The following CCDC3 variants were observed in gnomAD, a reference collection of about 807,000 sequenced individuals.
CCDC3 encodes coiled-coil domain-containing protein 3.
Under a neutral mutation model 21.4 loss-of-function variants are expected in CCDC3, and 24 were observed. The observed-to-expected ratio is 1.12, with a 90% CI of 0.81 to 1.58. The LOEUF is 1.58. Among genes scored for constraint, CCDC3 ranks in the 40% most tolerant of loss-of-function variants. The pLI is 0.00. For missense variants in CCDC3, 425 were observed against 360.9 expected (o/e 1.18, Z -1.44); for synonymous variants, 186 against 166.0 (o/e 1.12, Z -0.93).
chr10:13,006,038 C>T (rs1835919856), upstream of CCDC3, among the ~76,000 whole-genome samples: 1 of 152,090 alleles, frequency 6.6e-6, no homozygotes, highest in Admixed American at 6.5e-5. Context: ...TATCTCCCAC[C>T]TTATATCTTA....
intron 5 of CCDC3, among the ~76,000 whole-genome samples, chr10:13,008,234 C>G (rs2131292331): frequency 6.6e-6 from 1 of 152,292 alleles, no homozygotes; most frequent in Non-Finnish European, 1.5e-5. Flanking sequence ...GTAACATCCA[C>G]AAGGATGTCA....
chr10:13,021,037 G>T (rs1836138935), intron 5 of CCDC3, among the ~76,000 whole-genome samples: 2 of 152,106 alleles, frequency 1.3e-5, no homozygotes, highest in African/African-American at 4.8e-5. Context: ...CTTTTTGGAG[G>T]TTTATTTAGC....
chr10:12,922,671 C>CCCGCG (rs1244591130), intron 2 of CCDC3, among the ~76,000 whole-genome samples: 36 of 152,270 alleles, frequency 2.4e-4, no homozygotes, highest in African/African-American at 8.4e-4. Context: ...CGGACCCCTT[C>CCCGCG]CCGCGCCGCA....
At chr10:12,914,185 A>T (rs536365777) in intron 2 of CCDC3, among the ~76,000 whole-genome samples, 5 of 152,228 alleles carry the variant, frequency 3.3e-5, no homozygotes, top group Non-Finnish European at 5.9e-5. Context: ...GGTAGAATTT[A>T]GTAGCAAAGC....
intron 3 of CCDC3, among the ~76,000 whole-genome samples, chr10:13,093,524 T>G (rs1455869240): frequency 2.0e-5 from 3 of 152,168 alleles, no homozygotes; most frequent in Non-Finnish European, 4.4e-5. Context: ...AAATTCAAAT[T>G]AATTTGGCAT....
intron 3 of CCDC3, among the ~76,000 whole-genome samples, chr10:13,091,045 T>A (rs1054142687): frequency 5.9e-5 from 9 of 152,118 alleles, no homozygotes; most frequent in Non-Finnish European, 1.3e-4. Flanking sequence ...GCAGGAAGCA[T>A]CCAGCACAGG....
At chr10:12,985,453 T>C (rs1835572988) in intron 2 of CCDC3, among the ~76,000 whole-genome samples, 1 of 152,230 alleles carries the variant, frequency 6.6e-6, no homozygotes, top group South Asian at 2.1e-4. Context: ...TGAAAACTTA[T>C]GCCTACACAA....
At chr10:12,962,333 A>G (rs1835191523) in intron 2 of CCDC3, among the ~76,000 whole-genome samples, 1 of 152,210 alleles carries the variant, frequency 6.6e-6, no homozygotes, top group Admixed American at 6.5e-5. Flanking sequence ...GGCCGGGCAC[A>G]GTGGCTCACG....
At chr10:12,991,783 C>A (rs1177258397) in intron 2 of CCDC3, among the ~76,000 whole-genome samples, 1 of 152,202 alleles carries the variant, frequency 6.6e-6, no homozygotes, top group Non-Finnish European at 1.5e-5. Flanking sequence ...ACCTTACCTA[C>A]CTGAACTCTG....
At chr10:12,931,758 A>C (rs931080007) in intron 2 of CCDC3, among the ~76,000 whole-genome samples, 3 of 152,218 alleles carry the variant, frequency 2.0e-5, no homozygotes, top group East Asian at 3.8e-4. Flanking sequence ...ACTGTGGTAC[A>C]TACAGCCAGG....
intron 2 of CCDC3, among the ~76,000 whole-genome samples, chr10:12,967,235 T>C (rs1011685602): frequency 2.6e-5 from 4 of 152,166 alleles, no homozygotes; most frequent in Admixed American, 1.3e-4. Context: ...CTCCAAGAGG[T>C]GACTTCTCCA....
intron 1 of CCDC3, chr10:13,099,443 C>G (rs1031803735): frequency 6.7e-6 from 1 of 148,942 alleles, no homozygotes; most frequent in African/African-American, 2.5e-5. Flanking sequence ...TCCTTCCCTC[C>G]CTCCCATCCC....
intron 4 of CCDC3, among the ~76,000 whole-genome samples, chr10:13,060,522 A>G (rs567755910): frequency 1.3e-5 from 2 of 152,202 alleles, no homozygotes; most frequent in East Asian, 3.9e-4. Context: ...TTTGTAAACA[A>G]CAGACAGGGT....
chr10:12,980,711 G>A (rs1190154530), intron 2 of CCDC3, among the ~76,000 whole-genome samples: 3 of 151,948 alleles, frequency 2.0e-5, no homozygotes, highest in South Asian at 2.1e-4. Context: ...CAGCTTTATG[G>A]CCATAGATCC....
At chr10:13,043,399 C>G (rs1320943906) in intron 5 of CCDC3, among the ~76,000 whole-genome samples, 1 of 152,076 alleles carries the variant, frequency 6.6e-6, no homozygotes, top group East Asian at 1.9e-4. Flanking sequence ...TTGAGACCAG[C>G]CTGACCAACA....
At chr10:13,093,026 CTTTTT>C (rs143190092) in intron 3 of CCDC3, among the ~76,000 whole-genome samples, 3 of 128,690 alleles carry the variant, frequency 2.3e-5, no homozygotes, top group African/African-American at 5.9e-5. Flanking sequence ...AACCCCTCAC[CTTTTT>C]TTTTTTTTTT....
chr10:13,021,323 C>A (rs955230382), intron 5 of CCDC3, among the ~76,000 whole-genome samples: 3 of 152,180 alleles, frequency 2.0e-5, no homozygotes, highest in African/African-American at 7.2e-5. Flanking sequence ...TTGCTGTGCT[C>A]TCCAGGTCTT....
upstream of CCDC3, among the ~76,000 whole-genome samples, chr10:13,002,912 G>C (rs753838071): frequency 1.2e-4 from 18 of 152,210 alleles, no homozygotes; most frequent in African/African-American, 3.4e-4. Flanking sequence ...GTGTGATGGA[G>C]AAAGAGTGAG....
rs114795986 is a variant in CCDC3 at position 13,021,570 on chromosome 10, A to G, written c.-1-23058T>C. On this transcript the variant is annotated intron_variant, in intron 5 of 6. Coordinates refer to the CCDC3 transcript ENST00000378839. ...TGTTCAGGTCTCTTTTCTCCTTTCCACAGGACAAAACGAATAGAGAAATTC... is the reference window on the plus strand; with the variant it reads ...TGTTCAGGTCTCTTTTCTCCTTTCCGCAGGACAAAACGAATAGAGAAATTC... Among the ~76,000 whole-genome samples, 616 of 152,222 alleles carry G rather than the reference A, an allele frequency of 4.0e-3. 5 individuals are homozygous for G. The highest frequency in any genetic ancestry group is 0.014 in the African/African-American group (590 of 41,536).
Sources: allele counts gnomAD v4.1 joint callset (sites outside exome capture counted in the v4.1 genomes callset), GRCh38; gene constraint gnomAD v4.1.1; transcripts MANE v1.5; gene names NCBI Gene and HGNC (gene_info 2026-07-23, HGNC 2026-07-21).